Variants in UBOX5 observed in about 807,000 individuals in gnomAD.
UBOX5 encodes the protein U-box domain containing 5.
A neutral mutation model predicts 39.0 loss-of-function variants in UBOX5; 28 were observed. That is an observed-to-expected ratio of 0.72 (90% CI 0.53 to 0.98). The LOEUF is 0.98. UBOX5 is among the 50% of genes least tolerant of loss of function. The probability of loss-of-function intolerance (pLI) is 0.00; values close to 1 mark genes in which losing one functional copy is unlikely to be tolerated. For missense variants in UBOX5, 585 were observed against 674.4 expected (o/e 0.87, Z 1.47); for synonymous variants, 283 against 275.5 (o/e 1.03, Z -0.27).
intron 1 of UBOX5, among the ~76,000 whole-genome samples, chr20:3,123,698 C>CT (rs1206024628): frequency 1.3e-5 from 2 of 152,174 alleles, no homozygotes; most frequent in African/African-American, 4.8e-5. Flanking sequence ...ATCAGCTGTG[C>CT]TGGGGGTTGC....
At chr20:3,110,371 G>T in intron 4 of UBOX5, 57 bp from the exon 5 acceptor site, 2 of 1,596,184 alleles carry the variant, frequency 1.3e-6, no homozygotes, top group Non-Finnish European at 1.7e-6. Context: ...CATGGTCCAG[G>T]CTGCTCTGAG....
At chr20:3,121,241 C>G in intron 3 of UBOX5, 143 bp downstream of exon 3, 1 of 1,277,846 alleles carries the variant, frequency 7.8e-7, no homozygotes. Context: ...TGAGGGGCCC[C>G]AGGATGGGAA....
chr20:3,114,404 G>C (rs2066277560), intron 4 of UBOX5, among the ~76,000 whole-genome samples: 2 of 152,120 alleles, frequency 1.3e-5, no homozygotes, highest in African/African-American at 4.8e-5. Context: ...CACAGCAGGA[G>C]CTCCATCTCG....
At chr20:3,147,435 A>G (rs957593178) in intron 1 of UBOX5, 1 of 1,614,180 alleles carries the variant, frequency 6.2e-7, no homozygotes. Flanking sequence ...GCTAAATACC[A>G]CAGCAATTCA....
At chr20:3,155,052 C>CAAAAAAAAAAAAAAA (rs11326176) in intron 1 of UBOX5, among the ~76,000 whole-genome samples, 2 of 96,074 alleles carry the variant, frequency 2.1e-5, no homozygotes, top group African/African-American at 4.6e-5. Context: ...GACACAGTCT[C>CAAAAAAAAAAAAAAA]AAAAAAAAAA....
intron 3 of UBOX5, among the ~76,000 whole-genome samples, chr20:3,118,386 T>C (rs1434643616): frequency 6.6e-6 from 1 of 151,846 alleles, no homozygotes; most frequent in African/African-American, 2.4e-5. Flanking sequence ...GGCAGGAGAA[T>C]TGCTTAGACC....
In UBOX5 at chr20:3,132,022, A is replaced by AC. The variant is rs2066433050; in HGVS notation, c.-41-8617_-41-8616insG. Among the ~76,000 whole-genome samples, 5 of 140,834 alleles carry AC rather than the reference A, an allele frequency of 3.6e-5. No homozygotes were observed. In the South Asian group the frequency reaches 1.1e-3, roughly 32 times the overall value. The allele number at this position is 140,834 out of a possible 152,430, so 92.4% of individuals were successfully genotyped here. On this transcript the variant is annotated intron_variant, in intron 1 of 4. Coordinates refer to ENST00000217173, the MANE Select transcript of UBOX5 (RefSeq NM_014948.4). ...GACACTGTCTCAAAAAAAAAAAAAA[A>AC]AAAAAAACTGGGCGTGGTGGTTCAC...
intron 1 of UBOX5, among the ~76,000 whole-genome samples, chr20:3,139,899 G>C (rs983219801): frequency 6.6e-6 from 1 of 151,806 alleles, no homozygotes; most frequent in African/African-American, 2.4e-5. Context: ...TAGTAGAGAT[G>C]GGGTTTCACC....
rs985652504 is a variant in UBOX5 at position 3,108,924 on chromosome 20, C to T, written c.*1182G>A. On this transcript the variant is annotated 3_prime_UTR_variant, in exon 5 of 5. Transcript: ENST00000217173. The stretch of plus-strand genomic sequence containing the variant: ...CTCAAGCTTGGGCAACAGAGACCAA[C>T]CCTGTCTCAATTAAAAAAAAAAAAA... 6.9e-6 allele frequency: 1 copy of T among 144,804 alleles called. No homozygotes were observed. The highest frequency in any genetic ancestry group is 2.5e-5 in the African/African-American group (1 of 39,268). 9.0% of individuals were successfully genotyped at this position (144,804 alleles called of 1,614,324 possible). A position where few individuals can be genotyped will look rare whatever the true frequency, so the allele number is the denominator to read the frequency against.
At chr20:3,141,133 A>G (rs1385896705) in intron 1 of UBOX5, among the ~76,000 whole-genome samples, 1 of 151,380 alleles carries the variant, frequency 6.6e-6, no homozygotes, top group Non-Finnish European at 1.5e-5. Context: ...TGGACAGGCT[A>G]GTCTTGAACT....
chr20:3,117,035 G>A (rs549083619), intron 3 of UBOX5, among the ~76,000 whole-genome samples: 1 of 152,028 alleles, frequency 6.6e-6, no homozygotes, highest in Non-Finnish European at 1.5e-5. Flanking sequence ...GGCAGAGGTT[G>A]CAGTGAGCCA....
chr20:3,145,155 A>T (rs2066549294), intron 1 of UBOX5, among the ~76,000 whole-genome samples: 1 of 151,816 alleles, frequency 6.6e-6, no homozygotes, highest in Non-Finnish European at 1.5e-5. Context: ...TGAAGCTTTG[A>T]GAGCCTTTTT....
At chr20:3,111,779 T>C (rs2066255666) in intron 4 of UBOX5, 1 of 152,282 alleles carries the variant, frequency 6.6e-6, no homozygotes, top group African/African-American at 2.4e-5. Flanking sequence ...CTCCCCAGGC[T>C]TTGCAGGTCC....
intron 1 of UBOX5, among the ~76,000 whole-genome samples, chr20:3,139,699 C>A (rs1162041058): frequency 6.6e-6 from 1 of 151,866 alleles, no homozygotes; most frequent in African/African-American, 2.4e-5. Flanking sequence ...CAGGCGTGAG[C>A]CACTGCACCC....
intron 3 of UBOX5, 84 bp downstream of exon 3, chr20:3,121,300 A>C (rs1465737681): frequency 1.3e-6 from 2 of 1,519,690 alleles, no homozygotes; most frequent in Non-Finnish European, 1.8e-6. Context: ...AAGCTGGCCA[A>C]GCACAAAGCA....
rs2066233431 is a variant in UBOX5 at position 3,109,129 on chromosome 20, A to C, written c.*977T>G. The C allele has an allele frequency of 6.6e-6, 1 of 152,180 alleles. No homozygotes were observed. The highest frequency in any genetic ancestry group is 1.5e-5 in the Non-Finnish European group (1 of 68,038). The allele number at this position is 152,180 out of a possible 1,614,324, so 9.4% of individuals were successfully genotyped here. ...TTCCCAAACGTGCTTAGAAGGGAAC[A>C]GGGAAAGGCGGGTGTGTTTTCTCAC... On this transcript the variant is annotated 3_prime_UTR_variant, in exon 5 of 5. Transcript: ENST00000217173.
At chr20:3,140,702 G>A (rs2066510600) in intron 1 of UBOX5, among the ~76,000 whole-genome samples, 1 of 151,836 alleles carries the variant, frequency 6.6e-6, no homozygotes, top group Non-Finnish European at 1.5e-5. Flanking sequence ...CTTTCTTAGG[G>A]TTACCAGATT....
At chr20:3,127,740 C>T (rs1465100160) in intron 1 of UBOX5, among the ~76,000 whole-genome samples, 1 of 152,144 alleles carries the variant, frequency 6.6e-6, no homozygotes, top group Non-Finnish European at 1.5e-5. Flanking sequence ...ATTTTATTAT[C>T]ATACCTAAAA....
At chr20:3,110,383 G>C (rs1260325157) in intron 4 of UBOX5, 69 bp from the exon 5 acceptor site, 1 of 1,542,400 alleles carries the variant, frequency 6.5e-7, no homozygotes, top group Non-Finnish European at 9.0e-7. Flanking sequence ...TGCTCTGAGG[G>C]GCAGAGCCTT....
Sources: allele counts gnomAD v4.1 joint callset (sites outside exome capture counted in the v4.1 genomes callset), GRCh38; gene constraint gnomAD v4.1.1; transcripts MANE v1.5; gene names NCBI Gene and HGNC (gene_info 2026-07-23, HGNC 2026-07-21).